Variants in PARD3 observed in about 807,000 individuals in gnomAD.
PARD3 encodes the protein partitioning defective 3 homolog.
Under a neutral mutation model 155.4 loss-of-function variants are expected in PARD3, and 75 were observed. The ratio of observed to expected loss-of-function variants is 0.48; its 90% CI spans 0.40 to 0.58. The LOEUF (loss-of-function observed/expected upper bound fraction) is 0.58. Among genes scored for constraint, PARD3 ranks in the 20% least tolerant of loss-of-function variants. The pLI is 0.00. For missense variants in PARD3, 1,642 were observed against 1,721.7 expected (o/e 0.95, Z 0.82); for synonymous variants, 576 against 610.5 (o/e 0.94, Z 0.83).
rs1336053318 is a variant in PARD3 at position 34,111,008 on chromosome 10, TA to T, written c.*160del. ...ACTTGAGACATAGTGGCAAAGACAT[TA>T]AGGCCTTCCATTTCTTTGCCTACAC... On this transcript the variant is annotated 3_prime_UTR_variant, in exon 25 of 25. Coordinates refer to ENST00000374788, the MANE Select transcript of PARD3 (RefSeq NM_001184785.2). 2.8e-5 allele frequency: 19 copies of T among 677,932 alleles called. No individual in the cohort carries two copies. In the Admixed American group the frequency reaches 5.5e-4, roughly 20 times the overall value. The allele number at this position is 677,932 out of a possible 1,614,324, so 42.0% of individuals were successfully genotyped here.
intron 3 of PARD3, among the ~76,000 whole-genome samples, chr10:34,510,374 C>A (rs903456688): frequency 1.3e-5 from 2 of 151,090 alleles, no homozygotes; most frequent in Non-Finnish European, 2.9e-5. Flanking sequence ...CTACAGCAAG[C>A]TCTGAATAAA....
intron 2 of PARD3, among the ~76,000 whole-genome samples, chr10:34,597,198 C>T (rs1267399066): frequency 1.3e-5 from 2 of 151,994 alleles, no homozygotes; most frequent in Admixed American, 1.3e-4. Context: ...ATGGCAGGAC[C>T]GGCATGGCAG....
intron 3 of PARD3, among the ~76,000 whole-genome samples, chr10:34,487,384 A>T (rs545968583): frequency 6.6e-6 from 1 of 152,194 alleles, no homozygotes; most frequent in Admixed American, 6.5e-5. Flanking sequence ...AATGTTTGTT[A>T]AAGTGTTACT....
chr10:34,613,535 C>T (rs2091053598), intron 2 of PARD3, among the ~76,000 whole-genome samples: 1 of 152,176 alleles, frequency 6.6e-6, no homozygotes, highest in Non-Finnish European at 1.5e-5. Flanking sequence ...CTCTGAAATG[C>T]ACATGGTCCA....
At chr10:34,345,044 G>A (rs1039416843) in intron 15 of PARD3, 56 of 984,196 alleles carry the variant, frequency 5.7e-5, no homozygotes, top group Non-Finnish European at 6.8e-5. Context: ...GGAGACTTTC[G>A]AATAACTGCT....
At chr10:34,316,197 T>G (rs1267329910) in intron 20 of PARD3, among the ~76,000 whole-genome samples, 2 of 152,352 alleles carry the variant, frequency 1.3e-5, no homozygotes, top group African/African-American at 4.8e-5. Context: ...GTGCTGTATG[T>G]TTTCAATTTT....
At chr10:34,347,605 T>C (rs1397872389) in intron 15 of PARD3, among the ~76,000 whole-genome samples, 1 of 152,256 alleles carries the variant, frequency 6.6e-6, no homozygotes, top group African/African-American at 2.4e-5. Context: ...TTTTGAATCC[T>C]TTTTGCCACA....
At chr10:34,285,378 C>T (rs953424806) in intron 20 of PARD3, among the ~76,000 whole-genome samples, 1 of 152,044 alleles carries the variant, frequency 6.6e-6, no homozygotes, top group Admixed American at 6.6e-5. Flanking sequence ...GAGTTCAAGA[C>T]CAGCCTGGGC....
At chr10:34,145,634 A>G (rs1411702089) in intron 22 of PARD3, among the ~76,000 whole-genome samples, 1 of 152,106 alleles carries the variant, frequency 6.6e-6, no homozygotes, top group East Asian at 1.9e-4. Context: ...TCCTTTCAAT[A>G]GCCTCCTGTT....
chr10:34,350,788 T>C (rs763377774), intron 14 of PARD3, among the ~76,000 whole-genome samples: 6 of 152,194 alleles, frequency 3.9e-5, no homozygotes, highest in Non-Finnish European at 8.8e-5. Flanking sequence ...AGTGGCTGTT[T>C]AGCCCCTCAG....
At chr10:34,296,841 G>C (rs1956934247) in intron 20 of PARD3, among the ~76,000 whole-genome samples, 1 of 152,262 alleles carries the variant, frequency 6.6e-6, no homozygotes, top group South Asian at 2.1e-4. Flanking sequence ...AGAGAGTTAG[G>C]CACCATGGCA....
At chr10:34,595,560 T>TA (rs2089174578) in intron 2 of PARD3, among the ~76,000 whole-genome samples, 1 of 152,206 alleles carries the variant, frequency 6.6e-6, no homozygotes, top group Non-Finnish European at 1.5e-5. Flanking sequence ...ACATGCCAAT[T>TA]ACAGTGATTC....
chr10:34,195,966 C>A (rs193292763), intron 22 of PARD3, among the ~76,000 whole-genome samples: 2 of 152,204 alleles, frequency 1.3e-5, no homozygotes, highest in African/African-American at 2.4e-5. Flanking sequence ...ACTAAACCCA[C>A]GTAAAGGGCT....
At chr10:34,208,377 T>G (rs1951578465) in intron 22 of PARD3, among the ~76,000 whole-genome samples, 1 of 152,206 alleles carries the variant, frequency 6.6e-6, no homozygotes, top group Non-Finnish European at 1.5e-5. Flanking sequence ...TTTGCATAAC[T>G]AGTTATCCAA....
chr10:34,528,946 T>C (rs919277635), intron 2 of PARD3, among the ~76,000 whole-genome samples: 1 of 152,166 alleles, frequency 6.6e-6, no homozygotes, highest in African/African-American at 2.4e-5. Flanking sequence ...GGACTTGGTA[T>C]GTGGTGGATG....
intron 5 of PARD3, among the ~76,000 whole-genome samples, chr10:34,422,679 A>G (rs1255615671): frequency 6.6e-6 from 1 of 152,222 alleles, no homozygotes; most frequent in Non-Finnish European, 1.5e-5. Context: ...AGGTATATGA[A>G]AAATGCTTAA....
chr10:34,383,153 A>G (rs1842021896), intron 8 of PARD3, among the ~76,000 whole-genome samples: 1 of 152,204 alleles, frequency 6.6e-6, no homozygotes, highest in Admixed American at 6.5e-5. Flanking sequence ...AAAATTATCT[A>G]CAACTACAGA....
At chr10:34,233,346 C>T (rs757180978) in intron 22 of PARD3, among the ~76,000 whole-genome samples, 1 of 151,932 alleles carries the variant, frequency 6.6e-6, no homozygotes, top group Non-Finnish European at 1.5e-5. Context: ...TGCTCCTTGT[C>T]GCTTCTGTAC....
At position 34,757,648 on chromosome 10, in the gene PARD3, T is replaced by G. The variant is rs564821445; in HGVS notation, c.120+57228A>C. 2.5e-4 allele frequency among the ~76,000 whole-genome samples: 38 copies of G among 151,350 alleles called. No homozygotes were observed. The South Asian group carries it at 7.9e-3, about 32-fold the overall frequency. On this transcript the variant is annotated intron_variant, in intron 1 of 24. Transcript: ENST00000374788. ...ATCGCTTGAACAAGGGAGGCAGAGG[T>G]TGCAATGAGCCAAGATCGTGCCACT...
Sources: allele counts gnomAD v4.1 joint callset (sites outside exome capture counted in the v4.1 genomes callset), GRCh38; gene constraint gnomAD v4.1.1; transcripts MANE v1.5; gene names NCBI Gene and HGNC (gene_info 2026-07-23, HGNC 2026-07-21).